TUFT1: variants seen among roughly 807,000 people sequenced by gnomAD.
TUFT1 encodes tuftelin.
A neutral mutation model predicts 57.8 loss-of-function variants in TUFT1; 43 were observed. The ratio of observed to expected loss-of-function variants is 0.74; its 90% CI spans 0.58 to 0.96. The LOEUF is 0.96. Ranked by LOEUF, TUFT1 falls within the 40% of genes least tolerant of loss-of-function variation. TUFT1 has a pLI of 0.00. For synonymous variants in TUFT1, 166 were observed against 176.7 expected (o/e 0.94, Z 0.48); for missense variants, 459 against 489.0 (o/e 0.94, Z 0.58).
intron 6 of TUFT1, among the ~76,000 whole-genome samples, chr1:151,566,509 G>A (rs1009191018): frequency 1.2e-4 from 18 of 152,252 alleles, no homozygotes; most frequent in South Asian, 6.2e-4. Flanking sequence ...CCTTGCAAGC[G>A]TTAAAGGATA....
At chr1:151,576,950 T>C (rs1167370320) in intron 9 of TUFT1, among the ~76,000 whole-genome samples, 2 of 152,206 alleles carry the variant, frequency 1.3e-5, no homozygotes, top group East Asian at 3.9e-4. Flanking sequence ...TTTAAAAAGT[T>C]TTTCATTGAC....
chr1:151,578,775 G>C lies in TUFT1; in HGVS notation c.873G>C (p.Leu291Phe), dbSNP rs1666559331. 6.3e-7 allele frequency: 1 copy of C among 1,584,926 alleles called. No homozygotes were observed. Among genetic ancestry groups the C allele is most frequent in the African/African-American group, 1.3e-5 (1 of 74,492 alleles). Reference protein sequence around the residue: ...VAGLREKIHHLDDMLKSQQRK... With the variant: ...VAGLREKIHHFDDMLKSQQRK... ...GGTTGCGGGAGAAGATCCACCACTT[G>C]GATGACATGCTCAAGAGCCAGCAGC... is the stretch of plus-strand genomic sequence containing the variant. The change falls in exon 10 of 13, where the codon TTG becomes TTC. Residue 291 changes from leucine to phenylalanine, a missense_variant. Leu to Phe is a conservative substitution (Grantham distance 22). Coordinates refer to ENST00000368849, the MANE Select transcript of TUFT1 (RefSeq NM_020127.3).
At chr1:151,568,593 C>T (rs1047970732) in intron 6 of TUFT1, among the ~76,000 whole-genome samples, 1 of 152,180 alleles carries the variant, frequency 6.6e-6, no homozygotes, top group Admixed American at 6.5e-5. Context: ...CTTTTAAAGG[C>T]CATTGGCTCA....
intron 6 of TUFT1, 99 bp from the exon 7 acceptor site, chr1:151,569,558 C>A: frequency 1.1e-6 from 1 of 923,336 alleles, no homozygotes; most frequent in Non-Finnish European, 1.7e-6. Context: ...GTGGTCTGGA[C>A]GAGATGGTCC....
At chr1:151,565,515 T>A (rs1244273206) in intron 5 of TUFT1, among the ~76,000 whole-genome samples, 1 of 152,234 alleles carries the variant, frequency 6.6e-6, no homozygotes, top group African/African-American at 2.4e-5. Flanking sequence ...TTGCTTTGGC[T>A]GAAGGTAGGT....
intron 1 of TUFT1, among the ~76,000 whole-genome samples, chr1:151,552,761 T>G (rs1665552753): frequency 6.6e-6 from 1 of 151,008 alleles, no homozygotes; most frequent in African/African-American, 2.4e-5. Flanking sequence ...GATCATAGTT[T>G]TAGGTGACAT....
Position 151,540,564 on chromosome 1 carries a change from C to T in TUFT1, c.60+138C>T, listed in dbSNP as rs1250993108. On this transcript the variant is annotated intron_variant, in intron 1 of 12. Transcript: ENST00000368849. ...GGTCAGCCCTGCGCGGCGCTTCTCT[C>T]TTTTTATTCTTTTGCCTGCGACGGG... 7 of 916,790 alleles carry T rather than the reference C, an allele frequency of 7.6e-6. No homozygotes were observed. In the East Asian group the frequency reaches 1.8e-4, roughly 24 times the overall value. 56.8% of individuals were successfully genotyped at this position (916,790 alleles called of 1,614,324 possible).
At chr1:151,563,593 T>C (rs1005674679) in intron 3 of TUFT1, among the ~76,000 whole-genome samples, 1 of 152,196 alleles carries the variant, frequency 6.6e-6, no homozygotes, top group African/African-American at 2.4e-5. Context: ...AGGATGAAAT[T>C]GCCTAATGAT....
chr1:151,580,155 C>A (rs1244571957), intron 11 of TUFT1, among the ~76,000 whole-genome samples: 1 of 152,150 alleles, frequency 6.6e-6, no homozygotes, highest in Non-Finnish European at 1.5e-5. Flanking sequence ...TGCCACAGGG[C>A]CCTACCTGTC....
At chr1:151,561,065 C>G (rs929468936) in intron 1 of TUFT1, among the ~76,000 whole-genome samples, 17 of 151,822 alleles carry the variant, frequency 1.1e-4, no homozygotes, top group African/African-American at 3.4e-4. Context: ...ACAATCTTGG[C>G]TCACTACAAG....
chr1:151,574,475 C>G, intron 8 of TUFT1, 77 bp downstream of exon 8: 1 of 1,566,910 alleles, frequency 6.4e-7, no homozygotes, highest in Admixed American at 1.9e-5. Flanking sequence ...AAACGGTTGC[C>G]GAGACCCTTC....
At chr1:151,565,469 T>TG (rs1666038655) in intron 5 of TUFT1, among the ~76,000 whole-genome samples, 2 of 152,236 alleles carry the variant, frequency 1.3e-5, no homozygotes, top group Non-Finnish European at 2.9e-5. Flanking sequence ...TTCTTTGTCT[T>TG]GGGCATGCAC....
chr1:151,571,546 G>A (rs1666251804), intron 7 of TUFT1, among the ~76,000 whole-genome samples: 1 of 152,168 alleles, frequency 6.6e-6, no homozygotes, highest in African/African-American at 2.4e-5. Flanking sequence ...GTGTGGTGAA[G>A]AGGTATGTTG....
rs1342439011 is a variant in TUFT1, at chr1:151,579,743, T to C, written c.1008+11T>C. 6.2e-7 allele frequency: 1 copy of C among 1,612,554 alleles called. No homozygotes were observed. The highest frequency in any genetic ancestry group is 8.5e-7 in the Non-Finnish European group (1 of 1,179,316). On this transcript the variant is annotated intron_variant, in intron 11 of 12. Transcript: ENST00000368849. ...TATCTGGAGGCAGAGGTGTGTGTGCTGGGCAGCCCAGCAGGGGAACAGGAC... is the reference window on the plus strand; with the variant it reads ...TATCTGGAGGCAGAGGTGTGTGTGCCGGGCAGCCCAGCAGGGGAACAGGAC...
intron 1 of TUFT1, among the ~76,000 whole-genome samples, chr1:151,553,751 G>T (rs1479470306): frequency 1.3e-5 from 2 of 152,160 alleles, no homozygotes; most frequent in African/African-American, 4.8e-5. Context: ...CAGCGATTGT[G>T]TTGCTGCGCA....
intron 7 of TUFT1, among the ~76,000 whole-genome samples, chr1:151,570,066 C>T (rs1214739672): frequency 6.6e-6 from 1 of 152,160 alleles, no homozygotes; most frequent in East Asian, 1.9e-4. Context: ...CTGTCTGTGT[C>T]GTGGTAAGAA....
chr1:151,582,234 CAGAT>C lies in TUFT1; in HGVS notation c.*530_*533del, dbSNP rs879317202. The C allele has an allele frequency of 2.2e-6, 1 of 455,980 alleles. No homozygotes were observed. Among genetic ancestry groups the C allele is most frequent in the Non-Finnish European group, 4.4e-6 (1 of 226,848 alleles). The allele number at this position is 455,980 out of a possible 1,614,324, so 28.2% of individuals were successfully genotyped here. A position where few individuals can be genotyped will look rare whatever the true frequency, so the allele number is the denominator to read the frequency against. ...CTACGCTGCCCTGGCCTCCTGCAGA[CAGAT>C]AGTGGGGTTACCTGGCAAGGCCTGG... On this transcript the variant is annotated 3_prime_UTR_variant, in exon 13 of 13. Coordinates refer to ENST00000368849, the MANE Select transcript of TUFT1 (RefSeq NM_020127.3).
At chr1:151,566,852 T>C (rs1181848682) in intron 6 of TUFT1, among the ~76,000 whole-genome samples, 1 of 152,142 alleles carries the variant, frequency 6.6e-6, no homozygotes, top group Non-Finnish European at 1.5e-5. Flanking sequence ...TACATATAGA[T>C]CTACCTCATT....
intron 1 of TUFT1, among the ~76,000 whole-genome samples, chr1:151,556,790 T>C (rs1312792252): frequency 5.3e-5 from 8 of 152,084 alleles, no homozygotes; most frequent in Non-Finnish European, 4.4e-5. Flanking sequence ...GCCAACATGG[T>C]GAAGCCCCCT....
Sources: gnomAD v4.1 joint callset for allele counts (sites outside exome capture counted in the v4.1 genomes callset) on GRCh38, gnomAD v4.1.1 for gene constraint, MANE v1.5 for transcripts, NCBI Gene and HGNC (gene_info 2026-07-23, HGNC 2026-07-21) for gene names.